The following IRAG1 variants were observed in gnomAD, a reference collection of about 807,000 sequenced individuals.
The protein encoded by IRAG1 is IP3R-associated cGMP kinase substrate.
In IRAG1, 62 loss-of-function variants were observed where a neutral mutation model predicts 106.2. The observed-to-expected ratio is 0.58, with a 90% confidence interval of 0.48 to 0.72. The LOEUF is 0.72. IRAG1 is among the 30% of genes least tolerant of loss of function. The pLI, the probability that IRAG1 is intolerant of heterozygous loss-of-function variation, is 0.00. For synonymous variants in IRAG1, 462 were observed against 443.9 expected, an observed-to-expected ratio of 1.04 and a Z score of -0.51; for missense variants, 1,064 against 1,140.7, an observed-to-expected ratio of 0.93 and a Z score of 0.97.
rs1201785912 is a variant in IRAG1 at position 10,657,111 on chromosome 11, T to C, written c.68-4929A>G. Among the ~76,000 whole-genome samples the C allele has an allele frequency of 6.6e-6, 1 of 152,164 alleles. No individual in the cohort carries two copies. The highest frequency in any genetic ancestry group is 1.5e-5 in the Non-Finnish European group (1 of 68,036). On this transcript the variant is annotated intron_variant, in intron 1 of 20. Coordinates refer to ENST00000423302, the MANE Select transcript of IRAG1 (RefSeq NM_130385.4). This position sits in a 1 kb window ranked among gnomAD's most constrained non-coding sequence, Gnocchi z 4.1. ...AGGCCTTACTGTATCCCAGAAAGTA[T>C]AGAGCCATCATCGGGACGCACGGTT...
rs1310259532 is a variant in IRAG1 at position 10,657,324 on chromosome 11, T to A, written c.68-5142A>T. ...GTGCTGGGAATTCACCGAATCTGGG[T>A]CTGATGCTCCCCTTCCTTGCAGGGC... On this transcript the variant is annotated intron_variant, in intron 1 of 20. Coordinates refer to ENST00000423302, the MANE Select transcript of IRAG1 (RefSeq NM_130385.4). The surrounding 1 kb of genome is among the most constrained non-coding windows in gnomAD (Gnocchi z 4.1). Among the ~76,000 whole-genome samples the A allele has an allele frequency of 6.6e-5, 10 of 152,126 alleles. No homozygotes were observed. Among genetic ancestry groups the A allele is most frequent in the Admixed American group, 6.5e-4 (10 of 15,284 alleles).
intron 1 of IRAG1, among the ~76,000 whole-genome samples, chr11:10,661,231 A>G (rs1029973655): frequency 2.0e-5 from 3 of 152,052 alleles, no homozygotes; most frequent in Non-Finnish European, 4.4e-5. Context: ...CACCCTTTGC[A>G]TACATCCTCC....
chr11:10,594,028 ACT>A lies in IRAG1; in HGVS notation c.2067+116_2067+117del, dbSNP rs1852980263. On this transcript the variant is annotated intron_variant, in intron 16 of 20. Transcript: ENST00000423302. ...TGAGAGTGTGGAAAGCCGAATAGAA[ACT>A]CTGTTCAGAGATTCTCTGGCATCCA... 8 of 964,764 alleles carry A rather than the reference ACT, an allele frequency of 8.3e-6. No individual in the cohort carries two copies. In the South Asian group the frequency reaches 9.6e-5, roughly 12 times the overall value. The allele number at this position is 964,764 out of a possible 1,614,324, so 59.8% of individuals were successfully genotyped here. A position where few individuals can be genotyped will look rare whatever the true frequency, so the allele number is the denominator to read the frequency against.
In IRAG1 at chr11:10,575,994, C is replaced by T. The variant is rs1850793421; in HGVS notation, c.*338G>A. 2 of 296,860 alleles carry T rather than the reference C, an allele frequency of 6.7e-6. No homozygotes were observed. The highest frequency in any genetic ancestry group is 6.6e-5 in the East Asian group (1 of 15,168). 18.4% of individuals were successfully genotyped at this position (296,860 alleles called of 1,614,324 possible). A position where few individuals can be genotyped will look rare whatever the true frequency, so the allele number is the denominator to read the frequency against. On this transcript the variant is annotated 3_prime_UTR_variant, in exon 21 of 21. Transcript: ENST00000423302. ...GCCCCCTACCTCCTCCTCCCCCGTG[C>T]CCCGCTCCTTACCCCCAACCACCAG...
At chr11:10,582,960 AGAG>A (rs1851548469) in intron 18 of IRAG1, among the ~76,000 whole-genome samples, 1 of 152,252 alleles carries the variant, frequency 6.6e-6, no homozygotes, top group Middle Eastern at 3.2e-3. Context: ...GTAAAAAAGC[AGAG>A]GAGAGATCAT....
chr11:10,582,184 A>G (rs1334847430), intron 18 of IRAG1, among the ~76,000 whole-genome samples, 198 bp from the exon 19 acceptor site: 3 of 152,188 alleles, frequency 2.0e-5, no homozygotes, highest in African/African-American at 7.2e-5. Context: ...TCCCCAGCCC[A>G]TTAAATACCT....
intron 11 of IRAG1, among the ~76,000 whole-genome samples, chr11:10,608,102 C>A (rs560632744): frequency 1.3e-5 from 2 of 152,008 alleles, no homozygotes; most frequent in South Asian, 4.1e-4. Context: ...AGAACACACC[C>A]ACCTTATTTT....
chr11:10,630,557 A>G (rs1172506343), intron 4 of IRAG1, among the ~76,000 whole-genome samples: 3 of 152,152 alleles, frequency 2.0e-5, no homozygotes, highest in African/African-American at 7.2e-5. Flanking sequence ...CCCTGCCCTC[A>G]GGCGAGCTCC....
intron 1 of IRAG1, among the ~76,000 whole-genome samples, chr11:10,669,194 G>T (rs1177054505): frequency 6.6e-6 from 1 of 152,202 alleles, no homozygotes; most frequent in Non-Finnish European, 1.5e-5. Flanking sequence ...AACTACCCAT[G>T]AATTTGCATT....
At chr11:10,649,078 T>C (rs1858230134) in intron 2 of IRAG1, among the ~76,000 whole-genome samples, 1 of 152,232 alleles carries the variant, frequency 6.6e-6, no homozygotes, top group Non-Finnish European at 1.5e-5. Flanking sequence ...CTTCCTTGGC[T>C]GCCTGGCCTC....
At chr11:10,623,922 T>C in intron 9 of IRAG1, 66 bp from the exon 10 acceptor site, 1 of 1,463,722 alleles carries the variant, frequency 6.8e-7, no homozygotes, top group Non-Finnish European at 9.6e-7. Context: ...TTCTCTTGGC[T>C]CTGTCTATGG....
In IRAG1 at chr11:10,626,324, G is replaced by A. The variant is rs200259808; in HGVS notation, c.1010C>T (p.Thr337Met). The A allele has an allele frequency of 2.0e-5, 33 of 1,613,310 alleles. No homozygotes were observed. The Admixed American group carries it at 2.3e-4, about 11-fold the overall frequency. Residue 337 changes from threonine (T) to methionine (M), a missense_variant, in exon 9 of 21, where the codon ACG (threonine) becomes ATG (methionine). Transcript: ENST00000423302. ...CGGCAGAGGGCTGCCCTCCCAGCCC[G>A]TTTTCAAGAGCTGCTTCCCCAGCTC... ...ESELGKQLLKTGWEGSPLPRS... is the reference protein window; with the variant it reads ...ESELGKQLLKMGWEGSPLPRS...
chr11:10,591,036 A>G (rs1852597027), intron 18 of IRAG1, among the ~76,000 whole-genome samples: 1 of 152,216 alleles, frequency 6.6e-6, no homozygotes, highest in African/African-American at 2.4e-5. Context: ...GTTTATTCCT[A>G]AGAAAGGAAC....
intron 1 of IRAG1, among the ~76,000 whole-genome samples, chr11:10,670,449 T>G (rs1398011075): frequency 6.6e-6 from 1 of 152,218 alleles, no homozygotes; most frequent in Non-Finnish European, 1.5e-5. Context: ...AAATAGGCAG[T>G]GCTTTCTAAT....
At chr11:10,581,431 C>T (rs1012728817) in intron 19 of IRAG1, among the ~76,000 whole-genome samples, 1 of 151,956 alleles carries the variant, frequency 6.6e-6, no homozygotes, top group African/African-American at 2.4e-5. Context: ...GGAGGCAGTT[C>T]GAAGTTGAAG....
intron 1 of IRAG1, among the ~76,000 whole-genome samples, chr11:10,671,171 A>G (rs1281845667): frequency 2.0e-5 from 3 of 152,236 alleles, no homozygotes; most frequent in South Asian, 2.1e-4. Context: ...AGGTCCCAAG[A>G]ATTCTACCTT....
intron 10 of IRAG1, among the ~76,000 whole-genome samples, chr11:10,619,353 C>A (rs1785115634): frequency 6.6e-6 from 1 of 152,140 alleles, no homozygotes; most frequent in African/African-American, 2.4e-5. Context: ...TCATAAGAGA[C>A]TGGATTTTTC....
At position 10,633,015 on chromosome 11, in the gene IRAG1, T is replaced by G. The variant is rs1205850000; in HGVS notation, c.329+953A>C. On this transcript the variant is annotated intron_variant, in intron 3 of 20. Coordinates refer to ENST00000423302, the MANE Select transcript of IRAG1 (RefSeq NM_130385.4). ...TGTATTAATGAGGTAAGTAAATCTT[T>G]GACATATGCTCAGTATATTTATATG... Among the ~76,000 whole-genome samples, 3 of 152,202 alleles carry G rather than the reference T, an allele frequency of 2.0e-5. No homozygotes were observed. The East Asian group carries it at 5.8e-4, about 29-fold the overall frequency.
At chr11:10,686,171 T>C (rs1451337110) in intron 1 of IRAG1, among the ~76,000 whole-genome samples, 2 of 152,230 alleles carry the variant, frequency 1.3e-5, no homozygotes, top group Non-Finnish European at 2.9e-5. Context: ...AATTACTTAT[T>C]GGGTACTTAT....
Sources: gnomAD v4.1 joint callset for allele counts (sites outside exome capture counted in the v4.1 genomes callset) on GRCh38, gnomAD v4.1.1 for gene constraint, Gnocchi (gnomAD v3.1) non-coding constraint, MANE v1.5 for transcripts, NCBI Gene and HGNC (gene_info 2026-07-23, HGNC 2026-07-21) for gene names.